CDH13: variants seen among roughly 807,000 people sequenced by gnomAD.
CDH13 encodes cadherin 13.
In CDH13, 24 loss-of-function variants were observed where a neutral mutation model predicts 63.8. The observed-to-expected ratio is 0.38, with a 90% CI of 0.27 to 0.53. CDH13 has a LOEUF of 0.53. Ranked by LOEUF, CDH13 falls within the 20% of genes least tolerant of loss-of-function variation. The pLI is 0.85. For missense variants in CDH13, 1,049 were observed against 903.1 expected, an observed-to-expected ratio of 1.16 and a Z score of -2.07; for synonymous variants, 503 against 355.3, an observed-to-expected ratio of 1.42 and a Z score of -4.67.
intron 7 of CDH13, among the ~76,000 whole-genome samples, chr16:83,500,149 G>T (rs1476091755): frequency 1.3e-5 from 2 of 151,024 alleles, no homozygotes; most frequent in Non-Finnish European, 2.9e-5. Flanking sequence ...GTGGTCGTAA[G>T]GCAAGAGAAA....
intron 1 of CDH13, among the ~76,000 whole-genome samples, chr16:82,832,544 A>T (rs1238706469): frequency 1.3e-5 from 2 of 152,082 alleles, no homozygotes; most frequent in Non-Finnish European, 2.9e-5. Context: ...ACATAGTTAT[A>T]GGCTGTCACT....
Position 82,889,620 on chromosome 16 carries a change from A to C in CDH13, c.157+31147A>C, listed in dbSNP as rs192016922. On this transcript the variant is annotated intron_variant, in intron 2 of 13. Coordinates refer to ENST00000567109, the MANE Select transcript of CDH13 (RefSeq NM_001257.5). ...AGGATACAAGCATGCTGGTTGATCA[A>C]ATGTTGCATCTATATCTTTGTGATT... 6.6e-5 allele frequency among the ~76,000 whole-genome samples: 10 copies of C among 152,330 alleles called. No homozygotes were observed. In the East Asian group the frequency reaches 1.5e-3, roughly 23 times the overall value.
At position 82,992,731 on chromosome 16, in the gene CDH13, A is replaced by G. The variant is rs565247635; in HGVS notation, c.158-39279A>G. ...AAAAAGTTACTATGTGGTTCTTGGC[A>G]TCAAGCAGATTAAAGTCTACTTTGA... On this transcript the variant is annotated intron_variant, in intron 2 of 13. Coordinates refer to ENST00000567109, the MANE Select transcript of CDH13 (RefSeq NM_001257.5). Among the ~76,000 whole-genome samples, 4 of 152,376 alleles carry G rather than the reference A, an allele frequency of 2.6e-5. No homozygotes were observed. The East Asian group carries it at 7.7e-4, about 29-fold the overall frequency.
chr16:83,262,569 C>A (rs1379338130), intron 5 of CDH13, among the ~76,000 whole-genome samples: 1 of 152,130 alleles, frequency 6.6e-6, no homozygotes, highest in East Asian at 1.9e-4. Flanking sequence ...TTGCTGGAGA[C>A]CCTAGAGAAT....
At chr16:83,356,230 GTGTGTGTGTGT>G (rs2091053261) in intron 6 of CDH13, among the ~76,000 whole-genome samples, 1 of 88,466 alleles carries the variant, frequency 1.1e-5, no homozygotes, top group African/African-American at 6.6e-5. Context: ...GTGTGTGTGT[GTGTGTGTGTGT>G]GTGTGTGTGT....
rs1567745787 is a variant in CDH13, at chr16:83,014,776, G to GTATATGTA, written c.158-17229_158-17228insGTATATAT. On this transcript the variant is annotated intron_variant, in intron 2 of 13. Coordinates refer to ENST00000567109, the MANE Select transcript of CDH13 (RefSeq NM_001257.5). Reference sequence around the variant, plus strand: ...TATATATATATATATATATATATATGTATATATATATATTTGTATATATAT... The same window carrying GTATATGTA: ...TATATATATATATATATATATATATGTATATGTATATATATATATATTTGTATATATAT... Among the ~76,000 whole-genome samples the GTATATGTA allele has an allele frequency of 2.1e-3, 80 of 37,304 alleles. 1 individual carries two copies. Among genetic ancestry groups the GTATATGTA allele is most frequent in the Non-Finnish European group, 3.1e-3 (57 of 18,346 alleles). 24.5% of individuals were successfully genotyped at this position (37,304 alleles called of 152,430 possible). A position where few individuals can be genotyped will look rare whatever the true frequency, so the allele number is the denominator to read the frequency against.
At chr16:83,291,428 C>T (rs774586403) in intron 5 of CDH13, among the ~76,000 whole-genome samples, 2 of 152,254 alleles carry the variant, frequency 1.3e-5, no homozygotes, top group East Asian at 1.9e-4. Context: ...GACCCAGCTA[C>T]GAGACTGTCC....
At chr16:82,862,025 C>G (rs1170053916) in intron 2 of CDH13, among the ~76,000 whole-genome samples, 1 of 152,160 alleles carries the variant, frequency 6.6e-6, no homozygotes, top group Non-Finnish European at 1.5e-5. Flanking sequence ...AGAAGGCAAC[C>G]ACTCAGAAAG....
intron 2 of CDH13, among the ~76,000 whole-genome samples, chr16:82,990,500 A>T (rs1288052946): frequency 6.6e-6 from 1 of 151,748 alleles, no homozygotes; most frequent in Non-Finnish European, 1.5e-5. Context: ...AAGGAAGCCA[A>T]AAGCTTCCAT....
chr16:83,297,690 T>A (rs2089635184), intron 5 of CDH13, among the ~76,000 whole-genome samples: 1 of 152,096 alleles, frequency 6.6e-6, no homozygotes, highest in Non-Finnish European at 1.5e-5. Context: ...TCAAGGAGAT[T>A]TCAGTGTCAG....
intron 2 of CDH13, among the ~76,000 whole-genome samples, chr16:82,918,496 T>C (rs13331478): frequency 0.36 from 53,219 of 149,480 alleles, 10,284 homozygotes; most frequent in Non-Finnish European, 0.44. Context: ...AAAAGGTATG[T>C]ACACTTTCAC....
chr16:82,757,294 A>G (rs978367141), intron 1 of CDH13, among the ~76,000 whole-genome samples: 7 of 152,180 alleles, frequency 4.6e-5, no homozygotes, highest in Non-Finnish European at 1.5e-5. Context: ...AGTGACCACA[A>G]ATATCTTCAT....
chr16:83,494,637 G>A (rs2074094219), intron 7 of CDH13, among the ~76,000 whole-genome samples: 1 of 152,180 alleles, frequency 6.6e-6, no homozygotes, highest in African/African-American at 2.4e-5. Flanking sequence ...AGCAGGAACT[G>A]GGTGGTTAGA....
chr16:83,436,610 T>G (rs2072312817), intron 6 of CDH13, among the ~76,000 whole-genome samples: 1 of 152,266 alleles, frequency 6.6e-6, no homozygotes, highest in Non-Finnish European at 1.5e-5. Context: ...CCTGAACTCA[T>G]AAAGTTTGCT....
intron 1 of CDH13, among the ~76,000 whole-genome samples, chr16:82,818,335 A>T (rs1031836997): frequency 6.6e-6 from 1 of 152,200 alleles, no homozygotes; most frequent in African/African-American, 2.4e-5. Context: ...GGACTAAAAG[A>T]TAAAAAAGAC....
Position 82,934,926 on chromosome 16 carries a change from G to A in CDH13, c.157+76453G>A, listed in dbSNP as rs182817469. On this transcript the variant is annotated intron_variant, in intron 2 of 13. Transcript: ENST00000567109. ...GTTCCAAACTTTACCACATTTTCCTGTGTTCTTCTGAGTCCTCCAAACTGT... is the reference window on the plus strand; with the variant it reads ...GTTCCAAACTTTACCACATTTTCCTATGTTCTTCTGAGTCCTCCAAACTGT... 3.7e-4 allele frequency among the ~76,000 whole-genome samples: 56 copies of A among 152,226 alleles called. 2 individuals are homozygous for A. The East Asian group carries it at 0.01, about 28-fold the overall frequency.
intron 1 of CDH13, among the ~76,000 whole-genome samples, chr16:82,652,924 C>G (rs1384133666): frequency 6.6e-6 from 1 of 152,164 alleles, no homozygotes; most frequent in African/African-American, 2.4e-5. Flanking sequence ...CTTCATCCCA[C>G]TCCTTCATTA....
At chr16:82,862,551 G>T (rs958437487) in intron 2 of CDH13, among the ~76,000 whole-genome samples, 1 of 91,340 alleles carries the variant, frequency 1.1e-5, no homozygotes, top group African/African-American at 4.8e-5. Flanking sequence ...GCCACCATTA[G>T]AACTGTACTT....
chr16:82,686,631 C>A (rs1323140416), intron 1 of CDH13, among the ~76,000 whole-genome samples: 2 of 152,050 alleles, frequency 1.3e-5, no homozygotes, highest in African/African-American at 4.8e-5. Context: ...GAGAATATTC[C>A]TTTCCTCAAT....
Sources: allele counts gnomAD v4.1 joint callset (sites outside exome capture counted in the v4.1 genomes callset), GRCh38; gene constraint gnomAD v4.1.1; transcripts MANE v1.5; gene names NCBI Gene and HGNC (gene_info 2026-07-23, HGNC 2026-07-21).